Variants in DCAF8L2 observed in about 807,000 individuals in gnomAD.
The protein encoded by DCAF8L2 is DDB1 and CUL4 associated factor 8 like 2.
For synonymous variants in DCAF8L2, 200 were observed against 190.9 expected (o/e 1.05, Z -0.39); for missense variants, 430 against 490.7 (o/e 0.88, Z 1.17).
the DCAF8L2 span, among the ~76,000 whole-genome samples, chrX:27,557,968 A>T: frequency 9.0e-6 from 1 of 110,870 alleles, no homozygotes; most frequent in African/African-American, 3.3e-5. Flanking sequence ...CTACACTGGG[A>T]CTCTGGACCA....
chrX:27,597,892 G>A (rs1926431182), intron 1 of DCAF8L2, among the ~76,000 whole-genome samples: 1 of 112,432 alleles, frequency 8.9e-6, no homozygotes, highest in Admixed American at 9.4e-5. Flanking sequence ...AGGTCAGAAA[G>A]TAGTATTCTC....
At chrX:27,744,559 T>C (rs1023946303) in intron 4 of DCAF8L2, among the ~76,000 whole-genome samples, 15 of 111,281 alleles carry the variant, frequency 1.3e-4, no homozygotes, top group Non-Finnish European at 2.4e-4. Flanking sequence ...GTCACTTTAT[T>C]TATAGGATGC....
At chrX:27,512,779 C>CAAAAAAAAAAAACAAAAAAAAAAAAAAA in the DCAF8L2 span, among the ~76,000 whole-genome samples, 1 of 18,550 alleles carries the variant, frequency 5.4e-5, no homozygotes, top group African/African-American at 2.2e-4. Context: ...CAATCTTGAG[C>CAAAAAAAAAAAACAAAAAAAAAAAAAAA]AAAAAAAAAA....
chrX:27,596,057 A>C (rs1926345312), intron 1 of DCAF8L2, among the ~76,000 whole-genome samples: 2 of 112,019 alleles, frequency 1.8e-5, no homozygotes, highest in African/African-American at 6.5e-5. Flanking sequence ...AAAACAAACA[A>C]AAAAAGGTTC....
At chrX:27,621,659 G>C (rs902990307) in intron 1 of DCAF8L2, among the ~76,000 whole-genome samples, 3 of 111,452 alleles carry the variant, frequency 2.7e-5, no homozygotes, top group African/African-American at 6.5e-5. Flanking sequence ...GCGTGTATAA[G>C]ATACCAGGTG....
At chrX:27,645,295 C>T (rs911529481) in intron 2 of DCAF8L2, among the ~76,000 whole-genome samples, 1 of 111,781 alleles carries the variant, frequency 8.9e-6, no homozygotes, top group African/African-American at 3.3e-5. Flanking sequence ...TAATTCATCA[C>T]ATAAACAGAA....
intron 3 of DCAF8L2, among the ~76,000 whole-genome samples, chrX:27,681,603 T>C (rs1206351179): frequency 1.8e-5 from 2 of 112,320 alleles, no homozygotes; most frequent in African/African-American, 6.5e-5. Flanking sequence ...TCAGTAGTAA[T>C]ACATTTTGCT....
intron 2 of DCAF8L2, among the ~76,000 whole-genome samples, chrX:27,666,149 A>G (rs5971426): frequency 0.15 from 16,789 of 111,583 alleles, 1,538 homozygotes; most frequent in East Asian, 0.38. Context: ...CTTAAAACAA[A>G]TATTAAAATT....
the DCAF8L2 span, among the ~76,000 whole-genome samples, chrX:27,512,256 G>A: frequency 2.7e-5 from 3 of 111,532 alleles, no homozygotes; most frequent in Non-Finnish European, 3.8e-5. Flanking sequence ...AGGTGGCAGA[G>A]TGAGATACTG....
chrX:27,657,161 T>A (rs1480775113), intron 2 of DCAF8L2, among the ~76,000 whole-genome samples: 1 of 111,262 alleles, frequency 9.0e-6, no homozygotes, highest in Non-Finnish European at 1.9e-5. Context: ...TCATGTGAGT[T>A]AATACTTAAT....
chrX:27,543,685 A>G, the DCAF8L2 span, among the ~76,000 whole-genome samples: 1 of 111,014 alleles, frequency 9.0e-6, no homozygotes, highest in African/African-American at 3.3e-5. Context: ...GAAATTTAGA[A>G]TAGTATTTTT....
At chrX:27,508,207 A>C in the DCAF8L2 span, among the ~76,000 whole-genome samples, 82 of 112,004 alleles carry the variant, frequency 7.3e-4, no homozygotes, top group African/African-American at 2.6e-3. Flanking sequence ...TGTAAGTCTA[A>C]CAATTTTGAT....
the DCAF8L2 span, among the ~76,000 whole-genome samples, chrX:27,572,934 T>C: frequency 9.0e-6 from 1 of 111,581 alleles, no homozygotes; most frequent in Non-Finnish European, 1.9e-5. Flanking sequence ...GACTAAGTTC[T>C]CCTAGAATGA....
At chrX:27,689,899 A>G (rs766039351) in intron 3 of DCAF8L2, among the ~76,000 whole-genome samples, 1 of 112,216 alleles carries the variant, frequency 8.9e-6, no homozygotes. Context: ...ATAAAGAAAA[A>G]TAAGAAAATA....
chrX:27,644,230 CACACATAT>C (rs1393322590), intron 2 of DCAF8L2, among the ~76,000 whole-genome samples: 2 of 111,830 alleles, frequency 1.8e-5, no homozygotes, highest in African/African-American at 3.3e-5. Flanking sequence ...ATTTGTGTAC[CACACATAT>C]ACACATATAC....
the DCAF8L2 span, among the ~76,000 whole-genome samples, chrX:27,556,030 C>T: frequency 2.7e-5 from 3 of 110,554 alleles, no homozygotes; most frequent in Non-Finnish European, 3.8e-5. Flanking sequence ...AGCTCTGGCC[C>T]GGAGAGACAA....
chrX:27,502,335 A>AAATAT, the DCAF8L2 span, among the ~76,000 whole-genome samples: 3 of 12,706 alleles, frequency 2.4e-4, no homozygotes, highest in Non-Finnish European at 4.5e-4. Flanking sequence ...AAAAAAAAAA[A>AAATAT]ATATATATAT....
At chrX:27,698,523 A>G (rs929444651) in intron 3 of DCAF8L2, among the ~76,000 whole-genome samples, 1 of 112,022 alleles carries the variant, frequency 8.9e-6, no homozygotes, top group African/African-American at 3.2e-5. Context: ...CAGTGTGAAG[A>G]TGTTATATTT....
chrX:27,687,333 G>A (rs1296233795), intron 3 of DCAF8L2, among the ~76,000 whole-genome samples: 1 of 111,563 alleles, frequency 9.0e-6, no homozygotes, highest in African/African-American at 3.3e-5. Flanking sequence ...AATTAGGGGG[G>A]AAAACCTGTT....
Sources: allele counts gnomAD v4.1 joint callset (sites outside exome capture counted in the v4.1 genomes callset), GRCh38; gene constraint gnomAD v4.1.1; transcripts MANE v1.5; gene names NCBI Gene and HGNC (gene_info 2026-07-23, HGNC 2026-07-21).